The following NLRC3 variants were observed in gnomAD, a reference collection of about 807,000 sequenced individuals.
NLRC3 encodes the protein NLR family CARD domain containing 3, also known as NLR family CARD domain-containing protein 3.
A neutral mutation model predicts 91.6 loss-of-function variants in NLRC3; 87 were observed. That is an observed-to-expected ratio of 0.95 (90% CI 0.80 to 1.14). The LOEUF (loss-of-function observed/expected upper bound fraction) is 1.14, where lower values mean the gene tolerates loss of function less well. Ranked by LOEUF, NLRC3 falls within the 50% of genes most tolerant of loss-of-function variation. NLRC3 has a pLI of 0.00. For synonymous variants in NLRC3, 694 were observed against 625.3 expected (o/e 1.11, Z -1.64); for missense variants, 1,577 against 1,418.6 (o/e 1.11, Z -1.79).
At position 3,552,186 on chromosome 16, in the gene NLRC3, T is replaced by A. The variant is rs1184157985; in HGVS notation, c.2351+10A>T. 2 of 1,556,098 alleles carry A rather than the reference T, an allele frequency of 1.3e-6. No individual in the cohort carries two copies. The highest frequency in any genetic ancestry group is 1.8e-6 in the Non-Finnish European group (2 of 1,127,136). On this transcript the variant is annotated intron_variant, in intron 10 of 19. Coordinates refer to ENST00000359128, the MANE Select transcript of NLRC3 (RefSeq NM_178844.4). ...TGAGGATACTAGTGTGGGCCTTTCA[T>A]ATGTCTCACATGAGCTCTTTCAGAC...
At chr16:3,544,203 G>C in intron 16 of NLRC3, 43 bp downstream of exon 16, 1 of 1,128,552 alleles carries the variant, frequency 8.9e-7, no homozygotes, top group Non-Finnish European at 1.3e-6. Flanking sequence ...AAAGGATGGC[G>C]AAGGGACCGG....
chr16:3,564,565 C>G lies in NLRC3; in HGVS notation c.372G>C (p.Leu124=). The change falls in exon 5 of 20, where the codon CTG becomes CTC. Residue 124 remains leucine (L), a synonymous_variant. Transcript: ENST00000359128. This position sits in a 1 kb window ranked among gnomAD's most constrained non-coding sequence, Gnocchi z 5.9. The part of the protein sequence containing the change: ...GGGHPARTVA[L]DRLFLPLSRV... ...GGGAGAGAGGCAGGAAGAGCCGGTC[C>G]AGGGCGACGGTCCTGGCGGGGTGCC... 2 of 1,611,858 alleles carry G rather than the reference C, an allele frequency of 1.2e-6. No individual in the cohort carries two copies. Among genetic ancestry groups the G allele is most frequent in the Middle Eastern group, 1.7e-4 (1 of 6,056 alleles).
intron 8 of NLRC3, among the ~76,000 whole-genome samples, chr16:3,556,514 G>C (rs938504009): frequency 1.3e-5 from 2 of 150,636 alleles, no homozygotes; most frequent in African/African-American, 2.4e-5. Flanking sequence ...ATCTTTGTTT[G>C]CTTGCTTGTT....
At chr16:3,553,908 A>ATTTT (rs761837100) in intron 9 of NLRC3, among the ~76,000 whole-genome samples, 1 of 130,402 alleles carries the variant, frequency 7.7e-6, no homozygotes, top group Admixed American at 7.6e-5. Context: ...TGCCTGGTTA[A>ATTTT]TTTTTTTTTT....
chr16:3,556,834 C>T, intron 8 of NLRC3, 77 bp downstream of exon 8: 1 of 968,764 alleles, frequency 1.0e-6, no homozygotes, highest in Non-Finnish European at 1.6e-6. Flanking sequence ...ACCTCCCATT[C>T]TCATAGGTGG....
At chr16:3,550,839 G>A (rs2038955143) in intron 10 of NLRC3, among the ~76,000 whole-genome samples, 1 of 152,140 alleles carries the variant, frequency 6.6e-6, no homozygotes, top group Non-Finnish European at 1.5e-5. Context: ...GAAGGTTGGG[G>A]TTCACCCAGT....
In NLRC3 at chr16:3,577,186, T is replaced by TG. The variant is rs1567161665; in HGVS notation, c.-207dup. The stretch of plus-strand genomic sequence containing the variant: ...GATGCTGCTCCAGGGACAGCAAGAC[T>TG]GGGGGGCCTGGGGGCGTCCATCTCC... On this transcript the variant is annotated 5_prime_UTR_variant, in exon 1 of 20. An upstream open reading frame in the 5' UTR loses its in-frame stop. Transcript: ENST00000359128. 2.8e-6 allele frequency: 2 copies of TG among 702,748 alleles called. No homozygotes were observed. The highest frequency in any genetic ancestry group is 5.2e-6 in the Non-Finnish European group (2 of 384,942). 43.5% of individuals were successfully genotyped at this position (702,748 alleles called of 1,614,324 possible). A position where few individuals can be genotyped will look rare whatever the true frequency, so the allele number is the denominator to read the frequency against.
intron 11 of NLRC3, 81 bp from the exon 12 acceptor site, chr16:3,549,861 C>G: frequency 1.1e-6 from 1 of 948,732 alleles, no homozygotes; most frequent in Non-Finnish European, 1.6e-6. Context: ...GGACAGCAGG[C>G]ACTGGGCTCA....
Position 3,577,352 on chromosome 16 carries a change from A to T in NLRC3, c.-372T>A, listed in dbSNP as rs1255134048. ...ACCGTGTGGGGGCCGAGAGCAGTGC[A>T]GCCCCGACCTTCTGCAGCCCCACCG... On this transcript the variant is annotated 5_prime_UTR_variant, in exon 1 of 20. Transcript: ENST00000359128. The T allele has an allele frequency of 8.3e-6, 5 of 602,020 alleles. No individual in the cohort carries two copies. Among genetic ancestry groups the T allele is most frequent in the Non-Finnish European group, 1.5e-5 (5 of 337,210 alleles). 37.3% of individuals were successfully genotyped at this position (602,020 alleles called of 1,614,324 possible).
chr16:3,563,811 C>G lies in NLRC3; in HGVS notation c.1126G>C (p.Gly376Arg). 1 of 1,610,578 alleles carries G rather than the reference C, an allele frequency of 6.2e-7. No homozygotes were observed. The highest frequency in any genetic ancestry group is 8.5e-7 in the Non-Finnish European group (1 of 1,178,096). ...WYFRMALSGE[G>R]QEKGKASPRI... The stretch of plus-strand genomic sequence containing the variant: ...GGGCTTGCCTTGCCCTTCTCCTGCC[C>G]CTCCCCGCTGAGGGCCATCCTAAAG... Residue 376 changes from glycine to arginine, a missense_variant, in exon 5 of 20, where the codon GGG becomes CGG. Physicochemically the swap from Gly to Arg is moderately radical, Grantham distance 125. Transcript: ENST00000359128.
intron 14 of NLRC3, among the ~76,000 whole-genome samples, chr16:3,548,467 C>T (rs563554881): frequency 2.0e-5 from 3 of 152,336 alleles, no homozygotes; most frequent in Non-Finnish European, 2.9e-5. Context: ...CAGCTGTGAC[C>T]ACCTCTTAAC....
chr16:3,548,007 C>T (rs1027706723), intron 15 of NLRC3, 128 bp downstream of exon 15: 3 of 650,526 alleles, frequency 4.6e-6, no homozygotes, highest in African/African-American at 3.6e-5. Context: ...TGAAACATGC[C>T]AGCTGGCCTT....
intron 1 of NLRC3, among the ~76,000 whole-genome samples, chr16:3,573,039 A>C (rs959292663): frequency 6.6e-6 from 1 of 150,550 alleles, no homozygotes; most frequent in Admixed American, 6.7e-5. Context: ...AAAATCAAAT[A>C]TCTAGGAATA....
At chr16:3,553,727 T>C (rs896483269) in intron 9 of NLRC3, among the ~76,000 whole-genome samples, 1 of 150,628 alleles carries the variant, frequency 6.6e-6, no homozygotes, top group Non-Finnish European at 1.5e-5. Context: ...TATTTTATAT[T>C]TTAATTTTAT....
chr16:3,547,229 T>C (rs978066783), intron 15 of NLRC3, among the ~76,000 whole-genome samples: 2 of 152,202 alleles, frequency 1.3e-5, no homozygotes, highest in Non-Finnish European at 2.9e-5. Context: ...GAACTAAGTA[T>C]TGAGACAGGC....
At chr16:3,562,597 C>T (rs950327279) in intron 5 of NLRC3, among the ~76,000 whole-genome samples, 1 of 151,996 alleles carries the variant, frequency 6.6e-6, no homozygotes, top group Non-Finnish European at 1.5e-5. Flanking sequence ...GCTGAGATCG[C>T]GCCACTGTAT....
intron 8 of NLRC3, among the ~76,000 whole-genome samples, 188 bp downstream of exon 8, chr16:3,556,723 G>A (rs546449838): frequency 2.0e-5 from 3 of 152,110 alleles, no homozygotes; most frequent in Non-Finnish European, 2.9e-5. Flanking sequence ...GGCTGCTCTC[G>A]AGCTCCTGAC....
At chr16:3,559,064 G>T (rs1015022787) in intron 6 of NLRC3, among the ~76,000 whole-genome samples, 1 of 152,128 alleles carries the variant, frequency 6.6e-6, no homozygotes, top group Non-Finnish European at 1.5e-5. Context: ...GAGCCACCGT[G>T]CCCAGCCTGG....
chr16:3,552,179 C>G lies in NLRC3; in HGVS notation c.2351+17G>C, dbSNP rs1214320520. On this transcript the variant is annotated intron_variant, in intron 10 of 19. Transcript: ENST00000359128. ...TGGGCACTGAGGATACTAGTGTGGG[C>G]CTTTCATATGTCTCACATGAGCTCT... The G allele has an allele frequency of 1.4e-6, 2 of 1,478,924 alleles. No individual in the cohort carries two copies. The highest frequency in any genetic ancestry group is 2.3e-5 in the South Asian group (2 of 88,402). The allele number at this position is 1,478,924 out of a possible 1,614,324, so 91.6% of individuals were successfully genotyped here.
Sources: gnomAD v4.1 joint callset for allele counts (sites outside exome capture counted in the v4.1 genomes callset) on GRCh38, gnomAD v4.1.1 for gene constraint, Gnocchi (gnomAD v3.1) non-coding constraint, MANE v1.5 for transcripts, NCBI Gene and HGNC (gene_info 2026-07-23, HGNC 2026-07-21) for gene names.